BMPR1A: variants seen among roughly 807,000 people sequenced by gnomAD.
The protein encoded by BMPR1A is bone morphogenetic protein receptor type 1A.
BMPR1A carries 7 observed loss-of-function variants against 66.0 expected under a neutral mutation model. The ratio of observed to expected loss-of-function variants is 0.11; its 90% CI spans 0.06 to 0.20. The LOEUF (loss-of-function observed/expected upper bound fraction) is 0.20, where lower values mean the gene tolerates loss of function less well. Among genes scored for constraint, BMPR1A ranks in the 10% least tolerant of loss-of-function variants. BMPR1A has a pLI of 1.00. For synonymous variants in BMPR1A, 200 were observed against 229.7 expected (o/e 0.87, Z 1.17); for missense variants, 408 against 669.1 (o/e 0.61, Z 4.31).
intron 1 of BMPR1A, among the ~76,000 whole-genome samples, chr10:86,790,624 G>A (rs930733521): frequency 6.6e-6 from 1 of 151,864 alleles, no homozygotes; most frequent in African/African-American, 2.4e-5. Context: ...AAGAAATGAA[G>A]TACTCACTCA....
chr10:86,826,441 C>CACACACACACACACACACACACACACA (rs1564696505), intron 1 of BMPR1A, among the ~76,000 whole-genome samples: 1 of 151,338 alleles, frequency 6.6e-6, no homozygotes, highest in African/African-American at 2.4e-5. Flanking sequence ...CACACACACA[C>CACACACACACACACACACACACACACA]CCGCTTTTGG....
chr10:86,922,037 TAAACA>T (rs1843672431), intron 11 of BMPR1A, among the ~76,000 whole-genome samples: 1 of 149,970 alleles, frequency 6.7e-6, no homozygotes, highest in South Asian at 2.1e-4. Context: ...CTCTACTTAT[TAAACA>T]TCCCCCCCCA....
chr10:86,802,983 C>T (rs1340269135), intron 1 of BMPR1A, among the ~76,000 whole-genome samples: 4 of 123,762 alleles, frequency 3.2e-5, no homozygotes, highest in Non-Finnish European at 6.3e-5. Context: ...CTAGCCTGGG[C>T]GACAGAGCAA....
intron 1 of BMPR1A, among the ~76,000 whole-genome samples, chr10:86,790,858 T>A (rs1461054414): frequency 2.0e-5 from 3 of 152,206 alleles, no homozygotes; most frequent in Non-Finnish European, 4.4e-5. Flanking sequence ...AAAGAGTGAA[T>A]TTTATTATAC....
chr10:86,819,374 G>A (rs188694664), intron 1 of BMPR1A, among the ~76,000 whole-genome samples: 76 of 151,932 alleles, frequency 5.0e-4, no homozygotes, highest in Non-Finnish European at 8.7e-4. Context: ...GCAGTGGTGC[G>A]ATCTCAGGTC....
In BMPR1A at chr10:86,788,674, C is replaced by T. The variant is rs570403733; in HGVS notation, c.-268+31755C>T. On this transcript the variant is annotated intron_variant, in intron 1 of 12. Transcript: ENST00000372037. ...CAGGTTGGAGTTGCAATAGTGTGATCTCGGCTCACTGTAACCTCCGCCTCC... is the reference window on the plus strand; with the variant it reads ...CAGGTTGGAGTTGCAATAGTGTGATTTCGGCTCACTGTAACCTCCGCCTCC... 9.2e-5 allele frequency among the ~76,000 whole-genome samples: 14 copies of T among 151,370 alleles called. No individual in the cohort carries two copies. In the South Asian group the frequency reaches 2.9e-3, roughly 32 times the overall value.
At chr10:86,913,520 T>G (rs914637113) in intron 8 of BMPR1A, among the ~76,000 whole-genome samples, 1 of 152,142 alleles carries the variant, frequency 6.6e-6, no homozygotes, top group African/African-American at 2.4e-5. Flanking sequence ...ACAACATGAT[T>G]GTTTACGTAG....
chr10:86,760,871 A>C (rs1841044873), intron 1 of BMPR1A, among the ~76,000 whole-genome samples: 1 of 152,234 alleles, frequency 6.6e-6, no homozygotes, highest in Non-Finnish European at 1.5e-5. Context: ...TTTTAACACA[A>C]GATTAAATGT....
Position 86,923,599 on chromosome 10 carries a change from A to G in BMPR1A, c.1479A>G (p.Leu493=), listed in dbSNP as rs1554891640. 2.5e-6 allele frequency: 4 copies of G among 1,614,090 alleles called. No individual in the cohort carries two copies. Among genetic ancestry groups the G allele is most frequent in the Non-Finnish European group, 3.4e-6 (4 of 1,180,040 alleles). The part of the protein sequence containing the change: ...VSNRWNSDEC[L]RAVLKLMSEC... ...AACATCTCTTTACTTTTCAGTGTCT[A>G]CGAGCAGTTTTGAAGCTAATGTCAG... The change falls in exon 13 of 13, where the codon CTA becomes CTG. Residue 493 remains leucine (L), a synonymous_variant. Transcript: ENST00000372037.
At chr10:86,849,153 T>C (rs1352114213) in intron 2 of BMPR1A, among the ~76,000 whole-genome samples, 1 of 152,232 alleles carries the variant, frequency 6.6e-6, no homozygotes, top group Non-Finnish European at 1.5e-5. Context: ...TCTTATGAAT[T>C]AATTCCTGCC....
chr10:86,884,615 A>G (rs1256580715), intron 3 of BMPR1A, among the ~76,000 whole-genome samples: 1 of 151,080 alleles, frequency 6.6e-6, no homozygotes. Flanking sequence ...GAGTTTCACC[A>G]TGTTGGCCAG....
chr10:86,826,922 A>G (rs1350628317), intron 1 of BMPR1A, among the ~76,000 whole-genome samples: 1 of 152,114 alleles, frequency 6.6e-6, no homozygotes, highest in Non-Finnish European at 1.5e-5. Flanking sequence ...TTTTTTTTAA[A>G]TTGTTAAAAT....
At chr10:86,787,159 T>C (rs1039426345) in intron 1 of BMPR1A, among the ~76,000 whole-genome samples, 3 of 152,188 alleles carry the variant, frequency 2.0e-5, no homozygotes, top group African/African-American at 7.2e-5. Context: ...CAATCAATGA[T>C]AATCAATGGA....
At chr10:86,763,790 G>GGT in intron 1 of BMPR1A, among the ~76,000 whole-genome samples, 1 of 117,424 alleles carries the variant, frequency 8.5e-6, no homozygotes, top group African/African-American at 3.2e-5. Flanking sequence ...TTGGATAGTT[G>GGT]TTTTTTTTTT....
intron 1 of BMPR1A, among the ~76,000 whole-genome samples, chr10:86,817,276 A>T (rs1842047957): frequency 6.6e-6 from 1 of 152,190 alleles, no homozygotes; most frequent in African/African-American, 2.4e-5. Context: ...CATCCTTGGC[A>T]ACCATGATTC....
intron 1 of BMPR1A, among the ~76,000 whole-genome samples, chr10:86,833,631 T>G (rs1040096070): frequency 2.0e-5 from 3 of 152,172 alleles, no homozygotes; most frequent in Non-Finnish European, 4.4e-5. Context: ...TGCTGGTGGT[T>G]GATGGCTTTT....
intron 2 of BMPR1A, among the ~76,000 whole-genome samples, chr10:86,872,522 TTAAA>T (rs1175170735): frequency 2.6e-5 from 4 of 152,132 alleles, no homozygotes; most frequent in African/African-American, 9.7e-5. Flanking sequence ...AATTTAACCT[TTAAA>T]TAAGTTGGTT....
upstream of BMPR1A, chr10:86,756,493 G>A (rs1847864003): frequency 6.7e-6 from 1 of 150,270 alleles, no homozygotes; most frequent in African/African-American, 2.4e-5. Context: ...GGCGGGGCAG[G>A]CGCCCGTGGT....
chr10:86,870,289 C>T (rs1193008817), intron 2 of BMPR1A, among the ~76,000 whole-genome samples: 1 of 152,180 alleles, frequency 6.6e-6, no homozygotes, highest in Non-Finnish European at 1.5e-5. Context: ...AAATTTGAAC[C>T]TTTGATCTCT....
Sources: allele counts gnomAD v4.1 joint callset (sites outside exome capture counted in the v4.1 genomes callset), GRCh38; gene constraint gnomAD v4.1.1; transcripts MANE v1.5; gene names NCBI Gene and HGNC (gene_info 2026-07-23, HGNC 2026-07-21).